SLC18B1: variants seen among roughly 807,000 people sequenced by gnomAD.
The protein encoded by SLC18B1 is solute carrier family 18 member B1.
Under a neutral mutation model 53.9 loss-of-function variants are expected in SLC18B1, and 62 were observed. That is an observed-to-expected ratio of 1.15 (90% CI 0.94 to 1.42). SLC18B1 has a LOEUF of 1.42. Among genes scored for constraint, SLC18B1 ranks in the 40% most tolerant of loss-of-function variants. The probability of loss-of-function intolerance (pLI) is 0.00; values close to 1 mark genes in which losing one functional copy is unlikely to be tolerated. For synonymous variants in SLC18B1, 217 were observed against 200.9 expected, an observed-to-expected ratio of 1.08 and a Z score of -0.68; for missense variants, 598 against 547.3, an observed-to-expected ratio of 1.09 and a Z score of -0.93.
intron 5 of SLC18B1, among the ~76,000 whole-genome samples, chr6:132,787,113 A>G (rs1781397352): frequency 6.6e-6 from 1 of 152,180 alleles, no homozygotes; most frequent in South Asian, 2.1e-4. Flanking sequence ...CTCAGCCACA[A>G]TCTAGGCTAC....
rs776549112 is a variant in SLC18B1, at chr6:132,797,074, T to C, written c.91A>G (p.Arg31Gly). The C allele has an allele frequency of 1.2e-6, 2 of 1,614,128 alleles. No homozygotes were observed. Among genetic ancestry groups the C allele is most frequent in the African/African-American group, 1.3e-5 (1 of 75,030 alleles). ...SAGETPGWLS[R>G]EQVFVLISAA... ...GATATCAGTACAAAAACCTGTTCTCTCGAAAGCCACCCGGGGGTCTCTCCT... is the reference window on the plus strand; with the variant it reads ...GATATCAGTACAAAAACCTGTTCTCCCGAAAGCCACCCGGGGGTCTCTCCT... Residue 31 changes from arginine to glycine, a missense_variant, in exon 2 of 14, where the codon AGA (arginine) becomes GGA (glycine). Coordinates refer to ENST00000275227, the MANE Select transcript of SLC18B1 (RefSeq NM_052831.3).
At chr6:132,770,455 C>T (rs758217236) in intron 13 of SLC18B1, 119 bp from the exon 14 acceptor site, 233 of 860,028 alleles carry the variant, frequency 2.7e-4, no homozygotes, top group Admixed American at 6.7e-5. Context: ...GTTTCTACTG[C>T]CCGGGCATGG....
chr6:132,792,153 A>C (rs1439575533), intron 2 of SLC18B1, among the ~76,000 whole-genome samples: 1 of 150,668 alleles, frequency 6.6e-6, no homozygotes, highest in African/African-American at 2.5e-5. Flanking sequence ...ACTTGAACCC[A>C]GGAGTCAGAG....
At chr6:132,784,861 T>C (rs1781329089) in intron 5 of SLC18B1, among the ~76,000 whole-genome samples, 2 of 152,132 alleles carry the variant, frequency 1.3e-5, no homozygotes, top group South Asian at 4.1e-4. Flanking sequence ...ATCCACGCAG[T>C]GAAATACTAT....
intron 7 of SLC18B1, among the ~76,000 whole-genome samples, chr6:132,777,382 A>G (rs908553401): frequency 2.0e-5 from 3 of 152,240 alleles, no homozygotes; most frequent in African/African-American, 7.2e-5. Flanking sequence ...AATAAATTAA[A>G]TTTTCTTGAG....
At chr6:132,789,642 C>T (rs1781472044) in intron 4 of SLC18B1, 122 bp downstream of exon 4, 1 of 717,830 alleles carries the variant, frequency 1.4e-6, no homozygotes, top group East Asian at 2.5e-5. Context: ...CCATTAGTCA[C>T]ATGCTATGCA....
chr6:132,797,013 T>TAGCA lies in SLC18B1; in HGVS notation c.148_151dup (p.Tyr51LeufsTer14), dbSNP rs1348322484. The TAGCA allele has an allele frequency of 5.6e-6, 9 of 1,614,144 alleles. No homozygotes were observed. Among genetic ancestry groups the TAGCA allele is most frequent in the Non-Finnish European group, 7.6e-6 (9 of 1,180,018 alleles). ...GGGGAAAAACGGTCCAAGTATAGAA[T>TAGCA]AGCACATCATGGAACCTAAGTTCAC... On this transcript the variant is annotated frameshift_variant, in exon 2 of 14. Coordinates refer to ENST00000275227, the MANE Select transcript of SLC18B1 (RefSeq NM_052831.3). LOFTEE classifies it high-confidence loss of function.
Position 132,792,225 on chromosome 6 carries a change from C to CAGAAAGAAAGAAAGAAAGAAAGAAAGAA in SLC18B1, c.184-1981_184-1954dup, listed in dbSNP as rs1554223211. 6.7e-5 allele frequency among the ~76,000 whole-genome samples: 3 copies of CAGAAAGAAAGAAAGAAAGAAAGAAAGAA among 44,580 alleles called. 1 individual carries two copies. The highest frequency in any genetic ancestry group is 2.9e-4 in the Admixed American group (1 of 3,460). 29.2% of individuals were successfully genotyped at this position (44,580 alleles called of 152,430 possible). Reference sequence around the variant, plus strand: ...CCTGGGTGACAGAGCAAGACACTGTCAGAAAGAAAGAAAGAAAGAAAGAAA... The same window carrying CAGAAAGAAAGAAAGAAAGAAAGAAAGAA: ...CCTGGGTGACAGAGCAAGACACTGTCAGAAAGAAAGAAAGAAAGAAAGAAAGAAAGAAAGAAAGAAAGAAAGAAAGAAA... On this transcript the variant is annotated intron_variant, in intron 2 of 13. Transcript: ENST00000275227.
chr6:132,787,835 C>G (rs1781417426), intron 4 of SLC18B1, among the ~76,000 whole-genome samples: 1 of 152,044 alleles, frequency 6.6e-6, no homozygotes, highest in Non-Finnish European at 1.5e-5. Flanking sequence ...TAACTGGTCC[C>G]CCAGATAATA....
At chr6:132,785,897 CAA>C (rs71545048) in intron 5 of SLC18B1, among the ~76,000 whole-genome samples, 2,637 of 81,058 alleles carry the variant, frequency 0.033, 28 homozygotes, top group African/African-American at 0.1. Flanking sequence ...CCTGTCTCTA[CAA>C]AAAAAAAAAA....
chr6:132,776,474 T>G, intron 7 of SLC18B1, 45 bp from the exon 8 acceptor site: 1 of 1,400,170 alleles, frequency 7.1e-7, no homozygotes. Flanking sequence ...TAAGTCATTT[T>G]TAAGTAAACA....
At chr6:132,776,549 A>G (rs995038258) in intron 7 of SLC18B1, 120 bp from the exon 8 acceptor site, 8 of 666,856 alleles carry the variant, frequency 1.2e-5, no homozygotes, top group South Asian at 2.1e-5. Context: ...AATATTCTGC[A>G]TTTTCCTAAT....
chr6:132,781,380 G>T (rs373929233), intron 6 of SLC18B1, among the ~76,000 whole-genome samples: 1 of 152,154 alleles, frequency 6.6e-6, no homozygotes, highest in South Asian at 2.1e-4. Flanking sequence ...GTTGTCCTCA[G>T]GTGTGAGGGG....
Position 132,776,446 on chromosome 6 carries a change from A to C in SLC18B1, c.796-17T>G. 6.3e-7 allele frequency: 1 copy of C among 1,581,288 alleles called. No individual in the cohort carries two copies. Among genetic ancestry groups the C allele is most frequent in the Non-Finnish European group, 8.7e-7 (1 of 1,154,254 alleles). On this transcript the variant is annotated splice_polypyrimidine_tract_variant and intron_variant, in intron 7 of 13. Coordinates refer to ENST00000275227, the MANE Select transcript of SLC18B1 (RefSeq NM_052831.3). ...TAAATTGAACTGTAAAAGAAATCCT[A>C]TATTAAAGTTACATAATTAAGTCAT...
At chr6:132,781,418 C>T (rs1195440400) in intron 6 of SLC18B1, among the ~76,000 whole-genome samples, 1 of 151,984 alleles carries the variant, frequency 6.6e-6, no homozygotes, top group Non-Finnish European at 1.5e-5. Flanking sequence ...CACTATGGCA[C>T]TACTTACACA....
Position 132,791,040 on chromosome 6 carries a change from T to C in SLC18B1, c.184-768A>G, listed in dbSNP as rs1582871486. On this transcript the variant is annotated intron_variant, in intron 2 of 13. Coordinates refer to ENST00000275227, the MANE Select transcript of SLC18B1 (RefSeq NM_052831.3). ...TACATTCACATATAAAAATAGAAAG[T>C]TTAAAAAACTTTGTCAAGTCCCGGA... Among the ~76,000 whole-genome samples, 12 of 152,300 alleles carry C rather than the reference T, an allele frequency of 7.9e-5. No individual in the cohort carries two copies. The South Asian group carries it at 2.5e-3, about 32-fold the overall frequency.
At chr6:132,785,897 C>CTAAAAAAAAAAA (rs1781356092) in intron 5 of SLC18B1, among the ~76,000 whole-genome samples, 1 of 81,180 alleles carries the variant, frequency 1.2e-5, no homozygotes, top group Non-Finnish European at 2.5e-5. Context: ...CCTGTCTCTA[C>CTAAAAAAAAAAA]AAAAAAAAAA....
At chr6:132,773,300 A>C (rs993591978) in intron 9 of SLC18B1, among the ~76,000 whole-genome samples, 2 of 150,000 alleles carry the variant, frequency 1.3e-5, no homozygotes, top group African/African-American at 2.5e-5. Context: ...GTGGGGGGGA[A>C]TTCATCCTGA....
intron 2 of SLC18B1, among the ~76,000 whole-genome samples, chr6:132,792,395 AGAAG>A (rs375717035): frequency 5.6e-4 from 83 of 147,946 alleles, no homozygotes; most frequent in South Asian, 1.5e-3. Context: ...AAAGAAGGAA[AGAAG>A]GAAGGAAGGA....
Sources: allele counts gnomAD v4.1 joint callset (sites outside exome capture counted in the v4.1 genomes callset), GRCh38; gene constraint gnomAD v4.1.1; transcripts MANE v1.5; gene names NCBI Gene and HGNC (gene_info 2026-07-23, HGNC 2026-07-21).